TRMT1L: variants seen among roughly 807,000 people sequenced by gnomAD.
The protein encoded by TRMT1L is tRNA methyltransferase 1L.
TRMT1L carries 28 observed loss-of-function variants against 81.6 expected under a neutral mutation model. The observed-to-expected ratio is 0.34, with a 90% CI of 0.25 to 0.47. The LOEUF is 0.47. Among genes scored for constraint, TRMT1L ranks in the 20% least tolerant of loss-of-function variants. TRMT1L has a pLI of 1.00. For synonymous variants in TRMT1L, 301 were observed against 303.2 expected, an observed-to-expected ratio of 0.99 and a Z score of 0.07; for missense variants, 739 against 877.1, an observed-to-expected ratio of 0.84 and a Z score of 1.99.
intron 3 of TRMT1L, 63 bp from the exon 4 acceptor site, chr1:185,147,309 T>C (rs1653214430): frequency 4.8e-6 from 6 of 1,253,702 alleles, no homozygotes; most frequent in African/African-American, 1.5e-5. Flanking sequence ...TCAAAAATTA[T>C]AAGCAAGTTT....
rs1335060823 is a variant in TRMT1L at position 185,126,996 on chromosome 1, C to CAAAAATA, written c.1592+1666_1592+1672dup. Reference sequence around the variant, plus strand: ...TGGGCAACAAAGTGGGATTCTGCCTCAAAAATAAAAAATAAAAAAAGAATT... The same window carrying CAAAAATA: ...TGGGCAACAAAGTGGGATTCTGCCTCAAAAATAAAAAATAAAAAATAAAAAAAGAATT... On this transcript the variant is annotated intron_variant, in intron 11 of 14. Coordinates refer to ENST00000367506, the MANE Select transcript of TRMT1L (RefSeq NM_030934.5). Among the ~76,000 whole-genome samples the CAAAAATA allele has an allele frequency of 7.8e-4, 119 of 152,014 alleles. 1 individual carries two copies. Among genetic ancestry groups the CAAAAATA allele is most frequent in the South Asian group, 4.2e-4 (2 of 4,814 alleles).
At chr1:185,131,135 G>C (rs903735881) in intron 10 of TRMT1L, among the ~76,000 whole-genome samples, 2 of 152,026 alleles carry the variant, frequency 1.3e-5, no homozygotes, top group African/African-American at 4.8e-5. Context: ...GAGTAGCTGG[G>C]ACTATTGGTG....
chr1:185,143,340 A>G lies in TRMT1L; in HGVS notation c.859+17T>C, dbSNP rs1653100039. The G allele has an allele frequency of 1.3e-6, 2 of 1,583,884 alleles. No individual in the cohort carries two copies. The highest frequency in any genetic ancestry group is 1.4e-5 in the African/African-American group (1 of 73,198). ...TGAATAAATAAAATGGGGTTCCAAAAAAGTGTCCTCACTTACCAGTGGCTC... is the reference window on the plus strand; with the variant it reads ...TGAATAAATAAAATGGGGTTCCAAAGAAGTGTCCTCACTTACCAGTGGCTC... On this transcript the variant is annotated intron_variant, in intron 7 of 14. Transcript: ENST00000367506.
chr1:185,130,714 A>G (rs1424364484), intron 10 of TRMT1L, among the ~76,000 whole-genome samples: 1 of 152,206 alleles, frequency 6.6e-6, no homozygotes, highest in Non-Finnish European at 1.5e-5. Context: ...CAAAAGATGA[A>G]GTTAATCTTT....
intron 10 of TRMT1L, among the ~76,000 whole-genome samples, chr1:185,132,289 G>A (rs1240395432): frequency 6.6e-6 from 1 of 151,192 alleles, no homozygotes; most frequent in African/African-American, 2.4e-5. Flanking sequence ...AGGCCAAGGA[G>A]GGCGGATCAC....
chr1:185,143,561 A>G (rs898701978), intron 6 of TRMT1L, 125 bp from the exon 7 acceptor site: 4 of 760,286 alleles, frequency 5.3e-6, no homozygotes, highest in Non-Finnish European at 8.1e-6. Context: ...GGAGACCTGA[A>G]AACATATTCT....
At position 185,145,381 on chromosome 1, in the gene TRMT1L, A is replaced by T. The variant is rs1381012028; in HGVS notation, c.655+58T>A. Reference sequence around the variant, plus strand: ...ATATTCCTGATGTCTGAAAATAATAACTGGACCATTATTTAAGGATTTACA... The same window carrying T: ...ATATTCCTGATGTCTGAAAATAATATCTGGACCATTATTTAAGGATTTACA... On this transcript the variant is annotated intron_variant, in intron 5 of 14. Coordinates refer to ENST00000367506, the MANE Select transcript of TRMT1L (RefSeq NM_030934.5). 3.9e-6 allele frequency: 6 copies of T among 1,525,296 alleles called. No homozygotes were observed. In the African/African-American group the frequency reaches 8.2e-5, roughly 21 times the overall value. The allele number at this position is 1,525,296 out of a possible 1,614,324, so 94.5% of individuals were successfully genotyped here. A position where few individuals can be genotyped will look rare whatever the true frequency, so the allele number is the denominator to read the frequency against.
At chr1:185,125,760 G>A (rs1484178977) in intron 11 of TRMT1L, among the ~76,000 whole-genome samples, 1 of 152,132 alleles carries the variant, frequency 6.6e-6, no homozygotes, top group Non-Finnish European at 1.5e-5. Flanking sequence ...GAGGGTGTGT[G>A]GAGGATATAC....
chr1:185,133,099 T>C (rs1652813812), intron 10 of TRMT1L, among the ~76,000 whole-genome samples: 1 of 152,234 alleles, frequency 6.6e-6, no homozygotes, highest in South Asian at 2.1e-4. Context: ...ATTGAAAATG[T>C]AGCAAAGAGT....
Position 185,120,065 on chromosome 1 carries a change from A to G in TRMT1L, c.2156T>C (p.Met719Thr). Reference sequence around the variant, plus strand: ...TGCTTCTGCTTTGTCATTCACTGACATTTCAACTCTTTCAGTTACTGTATC... The same window carrying G: ...TGCTTCTGCTTTGTCATTCACTGACGTTTCAACTCTTTCAGTTACTGTATC... ...SEDTVTERVE[M>T]SVNDKAEASG... The change falls in exon 15 of 15, where the codon ATG becomes ACG. Residue 719 changes from methionine to threonine, a missense_variant. This residue lies in a region of TRMT1L where 196 missense variants were observed against 232.6 expected (regional missense o/e 0.84). Transcript: ENST00000367506. The G allele has an allele frequency of 6.2e-7, 1 of 1,613,976 alleles. No individual in the cohort carries two copies. Among genetic ancestry groups the G allele is most frequent in the Non-Finnish European group, 8.5e-7 (1 of 1,179,924 alleles).
intron 10 of TRMT1L, among the ~76,000 whole-genome samples, chr1:185,129,651 C>T (rs1652721026): frequency 6.6e-6 from 1 of 152,212 alleles, no homozygotes; most frequent in African/African-American, 2.4e-5. Context: ...AGAATGGTGG[C>T]AGGAACACAG....
intron 6 of TRMT1L, 27 bp downstream of exon 6, chr1:185,143,879 C>T (rs771640681): frequency 6.3e-7 from 1 of 1,587,604 alleles, no homozygotes; most frequent in East Asian, 2.3e-5. Flanking sequence ...TGAAACATCC[C>T]ATAACCCTAT....
chr1:185,129,566 C>A (rs1440802615), intron 10 of TRMT1L, among the ~76,000 whole-genome samples: 1 of 152,172 alleles, frequency 6.6e-6, no homozygotes, highest in Non-Finnish European at 1.5e-5. Context: ...CCACTCCAGG[C>A]CATTCCTGGG....
intron 3 of TRMT1L, among the ~76,000 whole-genome samples, chr1:185,148,458 G>A (rs183747824): frequency 1.2e-3 from 177 of 152,246 alleles, no homozygotes; most frequent in Non-Finnish European, 2.0e-3. Context: ...AGATTTGGTT[G>A]CTTCTACCTT....
At chr1:185,127,474 C>A (rs1490043062) in intron 11 of TRMT1L, among the ~76,000 whole-genome samples, 1 of 151,934 alleles carries the variant, frequency 6.6e-6, no homozygotes, top group Non-Finnish European at 1.5e-5. Context: ...GTAAGAATCT[C>A]GGCCGGGTGC....
Position 185,137,621 on chromosome 1 carries a change from C to T in TRMT1L, c.1498G>A (p.Gly500Ser). Residue 500 changes from glycine to serine, a missense_variant, in exon 10 of 15, where the codon GGT becomes AGT. Transcript: ENST00000367506. Reference sequence around the variant, plus strand: ...TTGAATTTACCTTCTACCATATTACCATCCTTCTGAAAAATTCTCTCTTCA... The same window carrying T: ...TTGAATTTACCTTCTACCATATTACTATCCTTCTGAAAAATTCTCTCTTCA... ...WCEERIFQKD[G>S]NMVEENPYRQ... 1 of 1,613,670 alleles carries T rather than the reference C, an allele frequency of 6.2e-7. No homozygotes were observed. Among genetic ancestry groups the T allele is most frequent in the South Asian group, 1.1e-5 (1 of 91,024 alleles).
chr1:185,128,260 A>G (rs1169294603), intron 11 of TRMT1L, among the ~76,000 whole-genome samples: 1 of 152,240 alleles, frequency 6.6e-6, no homozygotes, highest in Non-Finnish European at 1.5e-5. Flanking sequence ...ACACTTTCAC[A>G]TGCCTTTCTC....
At position 185,139,487 on chromosome 1, in the gene TRMT1L, T is replaced by C. The variant is rs1258533743; in HGVS notation, c.1202A>G (p.Asp401Gly). 2 of 1,614,164 alleles carry C rather than the reference T, an allele frequency of 1.2e-6. No homozygotes were observed. The highest frequency in any genetic ancestry group is 1.7e-6 in the Non-Finnish European group (2 of 1,180,002). ...NLGIVSVTST[D>G]ISSLYAKAQH... ...TGCCTTGGCATATAAAGAACTGATA[T>C]CTGTAGAAGTCACTGACACTATGCC... Residue 401 changes from aspartate (D) to glycine (G), a missense_variant, in exon 9 of 15, where the codon GAT (aspartate) becomes GGT (glycine). This residue lies in a region of TRMT1L where 331 missense variants were observed against 462.2 expected (regional missense o/e 0.72). Coordinates refer to ENST00000367506, the MANE Select transcript of TRMT1L (RefSeq NM_030934.5).
intron 8 of TRMT1L, 36 bp downstream of exon 8, chr1:185,139,937 G>C (rs762568818): frequency 1.3e-6 from 2 of 1,576,716 alleles, no homozygotes; most frequent in East Asian, 2.3e-5. Context: ...TTTCAGATAA[G>C]TTTAGAAAGT....
Sources: gnomAD v4.1 joint callset for allele counts (sites outside exome capture counted in the v4.1 genomes callset) on GRCh38, gnomAD v4.1.1 for gene constraint, gnomAD v4.1.1 regional missense constraint, MANE v1.5 for transcripts, NCBI Gene and HGNC (gene_info 2026-07-23, HGNC 2026-07-21) for gene names.